MGST1: variants seen among roughly 807,000 people sequenced by gnomAD.
MGST1 encodes glutathione S-transferase 12.
MGST1 carries 5 observed loss-of-function variants against 8.9 expected under a neutral mutation model. The observed-to-expected ratio is 0.56, with a 90% CI of 0.29 to 1.19. The LOEUF is 1.19. Ranked by LOEUF, MGST1 falls within the 50% of genes most tolerant of loss-of-function variation. The pLI, the probability that MGST1 is intolerant of heterozygous loss-of-function variation, is 0.08. For missense variants in MGST1, 182 were observed against 187.4 expected (o/e 0.97, Z 0.17); for synonymous variants, 54 against 67.8 (o/e 0.80, Z 1.00).
At chr12:16,409,798 T>A (rs1368237820) in intron 1 of MGST1, among the ~76,000 whole-genome samples, 3 of 152,122 alleles carry the variant, frequency 2.0e-5, no homozygotes, top group Non-Finnish European at 4.4e-5. Flanking sequence ...TTCCAACAGG[T>A]GGTCCTCCCC....
Position 16,560,391 on chromosome 12 carries a change from G to T in MGST1, n.483-29137G>T. On this transcript the variant is annotated intron_variant and non_coding_transcript_variant, in intron 4 of 4. Transcript: ENST00000538857. This position sits in a 1 kb window ranked among gnomAD's most constrained non-coding sequence, Gnocchi z 5.0. ...ACAGAGAGGTTAACCATTTCTTAGA[G>T]ACCAAAAAGAGACCTGCTTACCTCT... The T allele has an allele frequency of 1.9e-6, 3 of 1,607,546 alleles. No homozygotes were observed. The highest frequency in any genetic ancestry group is 1.1e-5 in the South Asian group (1 of 89,554).
intron 4 of MGST1, among the ~76,000 whole-genome samples, chr12:16,563,108 A>AT (rs1435189056): frequency 3.3e-5 from 5 of 152,300 alleles, no homozygotes; most frequent in African/African-American, 1.2e-4. Flanking sequence ...GGACTCTGAT[A>AT]TCCTAATGAT....
chr12:16,521,449 A>G (rs559334905), intron 4 of MGST1, among the ~76,000 whole-genome samples: 46 of 152,134 alleles, frequency 3.0e-4, no homozygotes, highest in Non-Finnish European at 6.2e-4. Flanking sequence ...TTTGCCAAAA[A>G]TAAGACCTTA....
intron 1 of MGST1, among the ~76,000 whole-genome samples, chr12:16,352,847 T>C (rs967946067): frequency 6.6e-6 from 1 of 152,150 alleles, no homozygotes; most frequent in Non-Finnish European, 1.5e-5. Context: ...CAAGCCTGTT[T>C]TTTGATGTTT....
In MGST1 at chr12:16,410,887, C is replaced by A. The variant is rs944197315; in HGVS notation, n.779-26501C>A. Reference sequence around the variant, plus strand: ...CCAAGATGTTCCAGAATCACTATTTCTCTTGCTTTTGTACCCTGCCAGGCT... The same window carrying A: ...CCAAGATGTTCCAGAATCACTATTTATCTTGCTTTTGTACCCTGCCAGGCT... On this transcript the variant is annotated intron_variant and non_coding_transcript_variant, in intron 1 of 1. Coordinates refer to the MGST1 transcript ENST00000359720. The surrounding 1 kb of genome is among the most constrained non-coding windows in gnomAD (Gnocchi z 4.4). 3.3e-5 allele frequency among the ~76,000 whole-genome samples: 5 copies of A among 151,944 alleles called. No homozygotes were observed. Among genetic ancestry groups the A allele is most frequent in the African/African-American group, 1.2e-4 (5 of 41,386 alleles).
chr12:16,354,012 G>A (rs1333295543), intron 1 of MGST1, among the ~76,000 whole-genome samples: 9 of 151,964 alleles, frequency 5.9e-5, no homozygotes, highest in East Asian at 3.9e-4. Flanking sequence ...CACCAGCCTC[G>A]GCCTCCCAAA....
intron 4 of MGST1, among the ~76,000 whole-genome samples, chr12:16,556,387 T>C (rs906642869): frequency 6.6e-6 from 1 of 152,330 alleles, no homozygotes; most frequent in South Asian, 2.1e-4. Flanking sequence ...ACGTTTTAGC[T>C]ATACGCCTCT....
At position 16,492,387 on chromosome 12, in the gene MGST1, C is replaced by T. The variant is rs545212918; in HGVS notation, n.483-97141C>T. 4.6e-5 allele frequency among the ~76,000 whole-genome samples: 7 copies of T among 152,224 alleles called. No homozygotes were observed. The South Asian group carries it at 1.2e-3, about 27-fold the overall frequency. The stretch of plus-strand genomic sequence containing the variant: ...AGAAAGATGGACCCCAATGTGGCAG[C>T]TTGTAGCTATACATTAGCGCGGTTT... On this transcript the variant is annotated intron_variant and non_coding_transcript_variant, in intron 4 of 4. Transcript: ENST00000538857.
At chr12:16,393,228 TC>T (rs1183890857) in intron 1 of MGST1, among the ~76,000 whole-genome samples, 32 of 152,244 alleles carry the variant, frequency 2.1e-4, no homozygotes, top group Admixed American at 2.1e-3. Flanking sequence ...TTCCTTAGCT[TC>T]ACAGTAAATC....
intron 4 of MGST1, among the ~76,000 whole-genome samples, chr12:16,565,365 CT>C (rs916843719): frequency 6.6e-6 from 1 of 152,054 alleles, no homozygotes; most frequent in Admixed American, 6.6e-5. Flanking sequence ...TCTTCTTTTA[CT>C]TTTTCAACTA....
intron 1 of MGST1, among the ~76,000 whole-genome samples, chr12:16,418,954 T>C (rs191486176): frequency 2.2e-3 from 337 of 152,232 alleles, no homozygotes; most frequent in South Asian, 3.9e-3. Flanking sequence ...CTTATATGTT[T>C]AGTGTTTGCG....
At chr12:16,368,735 A>G (rs1940236923), downstream of MGST1, among the ~76,000 whole-genome samples, 1 of 152,124 alleles carries the variant, frequency 6.6e-6, no homozygotes, top group Admixed American at 6.5e-5. Context: ...CAGCAAGCGC[A>G]GGCCCTAAGT....
intron 4 of MGST1, among the ~76,000 whole-genome samples, chr12:16,444,095 A>G (rs144387750): frequency 8.2e-4 from 125 of 151,828 alleles, no homozygotes; most frequent in African/African-American, 2.9e-3. Context: ...CATAGTCTCA[A>G]TATCTGCCAC....
At chr12:16,459,249 A>G (rs1286924878) in intron 4 of MGST1, among the ~76,000 whole-genome samples, 4 of 152,098 alleles carry the variant, frequency 2.6e-5, no homozygotes, top group Non-Finnish European at 5.9e-5. Flanking sequence ...GAAATTTTAA[A>G]TCTCAAGAAG....
chr12:16,554,182 G>A (rs755369383), intron 4 of MGST1, among the ~76,000 whole-genome samples: 4 of 152,152 alleles, frequency 2.6e-5, no homozygotes, highest in Admixed American at 6.5e-5. Context: ...TGAAACAAGT[G>A]TAAATAGTAA....
chr12:16,416,459 A>AT (rs1411187015), intron 1 of MGST1, among the ~76,000 whole-genome samples: 1 of 152,078 alleles, frequency 6.6e-6, no homozygotes, highest in Non-Finnish European at 1.5e-5. Context: ...ACAGAAACTT[A>AT]TTTCTCACAG....
chr12:16,537,040 A>G lies in MGST1; in HGVS notation n.483-52488A>G, dbSNP rs1441530503. The stretch of plus-strand genomic sequence containing the variant: ...TCCACAGTCCAAAGTCTCATCTGAG[A>G]CAAGGCAAGTCCCTTCTGCCTATGA... On this transcript the variant is annotated intron_variant and non_coding_transcript_variant, in intron 4 of 4. Transcript: ENST00000538857. The surrounding 1 kb of genome is among the most constrained non-coding windows in gnomAD (Gnocchi z 4.6). 6.6e-6 allele frequency among the ~76,000 whole-genome samples: 1 copy of G among 152,190 alleles called. No homozygotes were observed. Among genetic ancestry groups the G allele is most frequent in the African/African-American group, 2.4e-5 (1 of 41,440 alleles).
At chr12:16,475,762 G>A (rs2111160) in intron 4 of MGST1, among the ~76,000 whole-genome samples, 1 of 152,062 alleles carries the variant, frequency 6.6e-6, no homozygotes, top group South Asian at 2.1e-4. Context: ...AGGTATTTTA[G>A]AAGTGTCCCT....
Position 16,589,035 on chromosome 12 carries a change from C to G in MGST1, n.483-493C>G, listed in dbSNP as rs1429915789. Among the ~76,000 whole-genome samples, 1 of 151,942 alleles carries G rather than the reference C, an allele frequency of 6.6e-6. No individual in the cohort carries two copies. Among genetic ancestry groups the G allele is most frequent in the Non-Finnish European group, 1.5e-5 (1 of 67,958 alleles). On this transcript the variant is annotated intron_variant and non_coding_transcript_variant, in intron 4 of 4. Transcript: ENST00000538857. The surrounding 1 kb of genome is among the most constrained non-coding windows in gnomAD (Gnocchi z 4.2). Reference sequence around the variant, plus strand: ...AGACTTGGAGAGGTTGAGTAAGTTGCCTAGGAATGTGAAGCTGGGGTGTAG... The same window carrying G: ...AGACTTGGAGAGGTTGAGTAAGTTGGCTAGGAATGTGAAGCTGGGGTGTAG...
Sources: allele counts gnomAD v4.1 joint callset (sites outside exome capture counted in the v4.1 genomes callset), GRCh38; gene constraint gnomAD v4.1.1; non-coding constraint Gnocchi (gnomAD v3.1); transcripts MANE v1.5; gene names NCBI Gene and HGNC (gene_info 2026-07-23, HGNC 2026-07-21).